SF3B1: variants seen among roughly 807,000 people sequenced by gnomAD.
SF3B1 encodes the protein pre-mRNA processing 10.
SF3B1 carries 12 observed loss-of-function variants against 153.8 expected under a neutral mutation model. The observed-to-expected ratio is 0.08, with a 90% CI of 0.05 to 0.13. The LOEUF is 0.13. SF3B1 is among the 10% of genes least tolerant of loss of function. The pLI, the probability that SF3B1 is intolerant of heterozygous loss-of-function variation, is 1.00. For synonymous variants in SF3B1, 498 were observed against 525.2 expected, an observed-to-expected ratio of 0.95 and a Z score of 0.71; for missense variants, 513 against 1,606.1, an observed-to-expected ratio of 0.32 and a Z score of 11.63.
intron 1 of SF3B1, among the ~76,000 whole-genome samples, chr2:197,432,432 C>T (rs16865650): frequency 0.16 from 23,867 of 152,210 alleles, 2,118 homozygotes; most frequent in Middle Eastern, 0.28. Flanking sequence ...TGACATAATA[C>T]GTGGAAAGAT....
intron 11 of SF3B1, among the ~76,000 whole-genome samples, chr2:197,404,252 A>G (rs904675340): frequency 1.3e-5 from 2 of 152,108 alleles, no homozygotes; most frequent in African/African-American, 4.8e-5. Context: ...CTGAGGCAGG[A>G]GGATCTCTTG....
intron 4 of SF3B1, chr2:197,419,091 T>G (rs2085199887): frequency 6.5e-6 from 4 of 619,996 alleles, no homozygotes; most frequent in Non-Finnish European, 1.1e-5. Flanking sequence ...CTAAAACAAT[T>G]GTAGTTTAGA....
At chr2:197,421,323 A>G (rs1022757514) in intron 2 of SF3B1, among the ~76,000 whole-genome samples, 190 bp from the exon 3 acceptor site, 1 of 152,216 alleles carries the variant, frequency 6.6e-6, no homozygotes, top group Non-Finnish European at 1.5e-5. Context: ...AATTCAGTAA[A>G]GTTATCTTTA....
At chr2:197,420,604 A>G (rs2085224933) in intron 3 of SF3B1, 62 bp from the exon 4 acceptor site, 4 of 1,118,190 alleles carry the variant, frequency 3.6e-6, no homozygotes, top group Non-Finnish European at 3.9e-6. Context: ...AGAATATCAT[A>G]AACAAAAATC....
In SF3B1 at chr2:197,408,352, C is replaced by T; in HGVS notation, c.1117+17G>A. 1 of 1,609,390 alleles carries T rather than the reference C, an allele frequency of 6.2e-7. No homozygotes were observed. The highest frequency in any genetic ancestry group is 1.1e-5 in the South Asian group (1 of 90,922). On this transcript the variant is annotated intron_variant, in intron 8 of 24. Coordinates refer to ENST00000335508, the MANE Select transcript of SF3B1 (RefSeq NM_012433.4). ...TTATGGAGAAAAAAACAATTATGTC[C>T]AATGAGACAGTTCTACCTGGAGTAG...
chr2:197,398,613 T>C (rs2084902102), intron 20 of SF3B1, 32 bp from the exon 21 acceptor site: 2 of 1,599,346 alleles, frequency 1.3e-6, no homozygotes, highest in Non-Finnish European at 1.7e-6. Flanking sequence ...ACTATCAACA[T>C]TTGAATTGCA....
chr2:197,413,899 C>T (rs1436239605), intron 6 of SF3B1, among the ~76,000 whole-genome samples: 14 of 152,040 alleles, frequency 9.2e-5, no homozygotes, highest in Admixed American at 5.2e-4. Context: ...CTCCACCTCC[C>T]GGGTTCAAGT....
chr2:197,433,562 TAA>T lies in SF3B1; in HGVS notation c.28+1408_28+1409del, dbSNP rs1226121758. 4.6e-5 allele frequency among the ~76,000 whole-genome samples: 7 copies of T among 152,248 alleles called. No homozygotes were observed. In the South Asian group the frequency reaches 6.2e-4, roughly 13 times the overall value. Reference sequence around the variant, plus strand: ...ACAAAATAATAAAGCCTAGGAATACTAAGAGAGCATTTAAATCCTAAATACCT... The same window carrying T: ...ACAAAATAATAAAGCCTAGGAATACTGAGAGCATTTAAATCCTAAATACCT... On this transcript the variant is annotated intron_variant, in intron 1 of 24. Coordinates refer to ENST00000335508, the MANE Select transcript of SF3B1 (RefSeq NM_012433.4).
chr2:197,400,397 T>G lies in SF3B1; in HGVS notation c.2756A>C (p.Asn919Thr). Residue 919 changes from asparagine to threonine, a missense_variant, in exon 19 of 25, where the codon AAT becomes ACT. Physicochemically the swap from Asn to Thr is moderately conservative, Grantham distance 65. Around this residue, in one of 21 missense-constraint regions of SF3B1, gnomAD observed 20 missense variants for 90.4 expected, o/e 0.22. Coordinates refer to ENST00000335508, the MANE Select transcript of SF3B1 (RefSeq NM_012433.4). The surrounding 1 kb of genome is among the most constrained non-coding windows in gnomAD (Gnocchi z 5.0). ...VMLNGFGTVVNALGKRVKPYL... is the reference protein window; with the variant it reads ...VMLNGFGTVVTALGKRVKPYL... ...TGGTTTGACTCGTTTGCCAAGAGCA[T>G]TAACCACTGTGCCAAAGCCGTTCAA... is the stretch of plus-strand genomic sequence containing the variant. 1 of 1,613,614 alleles carries G rather than the reference T, an allele frequency of 6.2e-7. No individual in the cohort carries two copies. The highest frequency in any genetic ancestry group is 8.5e-7 in the Non-Finnish European group (1 of 1,179,850).
rs1574528044 is a variant in SF3B1, at chr2:197,401,022, ATAC to A, written c.2497-89_2497-87del. 6.7e-6 allele frequency: 5 copies of A among 747,106 alleles called. No individual in the cohort carries two copies. In the East Asian group the frequency reaches 1.0e-4, roughly 16 times the overall value. 46.3% of individuals were successfully genotyped at this position (747,106 alleles called of 1,614,324 possible). A position where few individuals can be genotyped will look rare whatever the true frequency, so the allele number is the denominator to read the frequency against. On this transcript the variant is annotated intron_variant, in intron 17 of 24. Transcript: ENST00000335508. This position sits in a 1 kb window ranked among gnomAD's most constrained non-coding sequence, Gnocchi z 4.2. ...ATCATGAAAACCAAATACTCTAAATATACTACTTATTTAGCTAATAAACATGGT... is the reference window on the plus strand; with the variant it reads ...ATCATGAAAACCAAATACTCTAAATATACTTATTTAGCTAATAAACATGGT...
chr2:197,426,487 G>A (rs760887783), intron 1 of SF3B1, among the ~76,000 whole-genome samples: 18 of 151,938 alleles, frequency 1.2e-4, no homozygotes, highest in Non-Finnish European at 2.4e-4. Flanking sequence ...AACCACAGGT[G>A]CATTTATCAC....
intron 5 of SF3B1, among the ~76,000 whole-genome samples, chr2:197,417,516 T>A (rs2085166413): frequency 1.4e-5 from 2 of 140,032 alleles, no homozygotes; most frequent in South Asian, 4.4e-4. Flanking sequence ...GGCGGGCAGA[T>A]CACCTGAGGT....
chr2:197,402,398 A>G lies in SF3B1; in HGVS notation c.2077+158T>C, dbSNP rs905158198. 4.2e-6 allele frequency: 3 copies of G among 718,270 alleles called. No individual in the cohort carries two copies. The African/African-American group carries it at 5.4e-5, about 13-fold the overall frequency. The allele number at this position is 718,270 out of a possible 1,614,324, so 44.5% of individuals were successfully genotyped here. On this transcript the variant is annotated intron_variant, in intron 14 of 24. Coordinates refer to ENST00000335508, the MANE Select transcript of SF3B1 (RefSeq NM_012433.4). The surrounding 1 kb of genome is among the most constrained non-coding windows in gnomAD (Gnocchi z 4.6). ...AATTTTAGGACAGCTGTCCTATTAAACATGGACAGGCTGTGTGTGTACCTC... is the reference window on the plus strand; with the variant it reads ...AATTTTAGGACAGCTGTCCTATTAAGCATGGACAGGCTGTGTGTGTACCTC...
At chr2:197,427,192 C>T (rs1437566923) in intron 1 of SF3B1, among the ~76,000 whole-genome samples, 1 of 152,134 alleles carries the variant, frequency 6.6e-6, no homozygotes, top group African/African-American at 2.4e-5. Context: ...AACAAAATTA[C>T]CCAGCCCAAA....
chr2:197,422,140 T>C (rs1460128293), intron 2 of SF3B1, among the ~76,000 whole-genome samples: 3 of 152,274 alleles, frequency 2.0e-5, no homozygotes, highest in South Asian at 2.1e-4. Context: ...CTGAAACCTA[T>C]AGCTATCACT....
intron 4 of SF3B1, chr2:197,419,692 C>T: frequency 4.5e-6 from 1 of 223,544 alleles, no homozygotes; most frequent in Non-Finnish European, 8.9e-6. Flanking sequence ...TGAATTCTGG[C>T]ATACATGTTT....
chr2:197,418,369 G>C, intron 5 of SF3B1, 140 bp downstream of exon 5: 1 of 560,486 alleles, frequency 1.8e-6, no homozygotes, highest in Non-Finnish European at 3.0e-6. Flanking sequence ...ATAATTTGGG[G>C]GTAAGATTCT....
intron 1 of SF3B1, among the ~76,000 whole-genome samples, chr2:197,427,538 T>C (rs2085353749): frequency 6.6e-6 from 1 of 152,194 alleles, no homozygotes; most frequent in Non-Finnish European, 1.5e-5. Flanking sequence ...ACCCAAATAT[T>C]TATGAGCAAA....
In SF3B1 at chr2:197,402,546, T is replaced by C; in HGVS notation, c.2077+10A>G. On this transcript the variant is annotated intron_variant, in intron 14 of 24. Transcript: ENST00000335508. The surrounding 1 kb of genome is among the most constrained non-coding windows in gnomAD (Gnocchi z 4.6). ...AAAAAAAAAAAAGACAAAGTTACATTACAACTTACCATGTTCAATGATTTC... is the reference window on the plus strand; with the variant it reads ...AAAAAAAAAAAAGACAAAGTTACATCACAACTTACCATGTTCAATGATTTC... 1 of 1,609,036 alleles carries C rather than the reference T, an allele frequency of 6.2e-7. No homozygotes were observed. The highest frequency in any genetic ancestry group is 1.3e-5 in the African/African-American group (1 of 74,792).
Sources: gnomAD v4.1 joint callset for allele counts (sites outside exome capture counted in the v4.1 genomes callset) on GRCh38, gnomAD v4.1.1 for gene constraint, gnomAD v4.1.1 regional missense constraint, Gnocchi (gnomAD v3.1) non-coding constraint, MANE v1.5 for transcripts, NCBI Gene and HGNC (gene_info 2026-07-23, HGNC 2026-07-21) for gene names.